LHCGR: variants seen among roughly 807,000 people sequenced by gnomAD.
LHCGR encodes lutropin-choriogonadotropic hormone receptor.
In LHCGR, 55 loss-of-function variants were observed where a neutral mutation model predicts 60.7. The ratio of observed to expected loss-of-function variants is 0.91; its 90% CI spans 0.73 to 1.13. LHCGR has a LOEUF of 1.13. LHCGR is among the 50% of genes most tolerant of loss of function. The probability of loss-of-function intolerance (pLI) is 0.00; values close to 1 mark genes in which losing one functional copy is unlikely to be tolerated. For synonymous variants in LHCGR, 337 were observed against 316.5 expected (o/e 1.06, Z -0.69); for missense variants, 862 against 836.0 (o/e 1.03, Z -0.38).
At chr2:48,724,685 G>T (rs1216339679) in intron 4 of LHCGR, among the ~76,000 whole-genome samples, 4 of 152,152 alleles carry the variant, frequency 2.6e-5, no homozygotes, top group African/African-American at 9.7e-5. Context: ...ATTTGGTTCT[G>T]GGAGTTTCTT....
At chr2:48,749,469 T>C (rs1383542345) in intron 1 of LHCGR, among the ~76,000 whole-genome samples, 1 of 152,228 alleles carries the variant, frequency 6.6e-6, no homozygotes. Flanking sequence ...GCTGTGGAAG[T>C]GAGCAGCAGG....
intron 1 of LHCGR, among the ~76,000 whole-genome samples, chr2:48,736,867 G>T (rs190707605): frequency 6.6e-6 from 1 of 152,286 alleles, no homozygotes; most frequent in East Asian, 1.9e-4. Context: ...CAAACTCCCT[G>T]GGTGAATGGA....
chr2:48,704,582 A>T (rs1667571912), intron 8 of LHCGR, among the ~76,000 whole-genome samples: 2 of 152,202 alleles, frequency 1.3e-5, no homozygotes, highest in South Asian at 4.1e-4. Flanking sequence ...TTATTGGTCT[A>T]TTCAGAGATT....
chr2:48,699,290 C>T lies in LHCGR; in HGVS notation c.681-490G>A, dbSNP rs149226639. 1.7e-3 allele frequency among the ~76,000 whole-genome samples: 251 copies of T among 151,964 alleles called. 1 individual carries two copies. The highest frequency in any genetic ancestry group is 5.6e-3 in the African/African-American group (232 of 41,410). ...GCGAGTCTGTATTTTTTCTCATGTG[C>T]GCCTCATTATTCTTTTCAAGGTTAA... On this transcript the variant is annotated intron_variant, in intron 8 of 10. Transcript: ENST00000294954.
chr2:48,755,721 G>A lies in LHCGR; in HGVS notation c.-50C>T, dbSNP rs1299712575. On this transcript the variant is annotated 5_prime_UTR_variant, in exon 1 of 11. Coordinates refer to ENST00000294954, the MANE Select transcript of LHCGR (RefSeq NM_000233.4). ...CTTGCCAGTGTCTTGGACGGCCTCT[G>A]AGTGCGGCCCGCACCCCTCTCCCCG... 6.5e-7 allele frequency: 1 copy of A among 1,532,600 alleles called. No homozygotes were observed. Among genetic ancestry groups the A allele is most frequent in the Non-Finnish European group, 8.7e-7 (1 of 1,146,042 alleles). The allele number at this position is 1,532,600 out of a possible 1,614,324, so 94.9% of individuals were successfully genotyped here.
Position 48,715,018 on chromosome 2 carries a change from C to T in LHCGR, c.537-964G>A, listed in dbSNP as rs574719941. 2.0e-5 allele frequency among the ~76,000 whole-genome samples: 3 copies of T among 152,260 alleles called. No individual in the cohort carries two copies. The East Asian group carries it at 5.8e-4, about 29-fold the overall frequency. ...GCTGATTCTTTTTACTTTTCCTCCA[C>T]TGATATCCTCATGGGCTACCCATCC... is the stretch of plus-strand genomic sequence containing the variant. On this transcript the variant is annotated intron_variant, in intron 6 of 10. Coordinates refer to ENST00000294954, the MANE Select transcript of LHCGR (RefSeq NM_000233.4).
At chr2:48,715,859 C>G (rs1347870899) in intron 6 of LHCGR, among the ~76,000 whole-genome samples, 2 of 152,136 alleles carry the variant, frequency 1.3e-5, no homozygotes, top group Non-Finnish European at 2.9e-5. Context: ...AGAGTCAGTT[C>G]AAAGAGGGCA....
At chr2:48,726,807 T>G (rs917416183) in intron 3 of LHCGR, among the ~76,000 whole-genome samples, 3 of 152,234 alleles carry the variant, frequency 2.0e-5, no homozygotes, top group Admixed American at 2.0e-4. Flanking sequence ...AATAAATATA[T>G]GTGTCTGGTT....
chr2:48,695,918 G>A (rs1160749473), intron 9 of LHCGR, among the ~76,000 whole-genome samples: 2 of 152,112 alleles, frequency 1.3e-5, no homozygotes, highest in Admixed American at 6.6e-5. Context: ...GGCATGGGTT[G>A]AAAACTATCT....
chr2:48,702,107 C>T (rs546527119), intron 8 of LHCGR, among the ~76,000 whole-genome samples: 4 of 151,998 alleles, frequency 2.6e-5, no homozygotes, highest in Non-Finnish European at 4.4e-5. Flanking sequence ...AACTGGTCGC[C>T]GTGTGTGAGA....
chr2:48,695,445 A>G lies in LHCGR; in HGVS notation c.867-1141T>C, dbSNP rs536116428. On this transcript the variant is annotated intron_variant, in intron 9 of 10. Coordinates refer to ENST00000294954, the MANE Select transcript of LHCGR (RefSeq NM_000233.4). ...GTCTGAGAAAAGGGAATTCTCATACACTGTTGGTGGGAGTGTAAATTAGTT... is the reference window on the plus strand; with the variant it reads ...GTCTGAGAAAAGGGAATTCTCATACGCTGTTGGTGGGAGTGTAAATTAGTT... Among the ~76,000 whole-genome samples the G allele has an allele frequency of 5.9e-5, 9 of 152,288 alleles. No individual in the cohort carries two copies. The East Asian group carries it at 1.7e-3, about 29-fold the overall frequency.
intron 1 of LHCGR, among the ~76,000 whole-genome samples, chr2:48,735,651 G>T (rs1030281367): frequency 2.0e-5 from 3 of 152,206 alleles, no homozygotes; most frequent in Admixed American, 2.0e-4. Flanking sequence ...GTGACCCTGT[G>T]TTAGGACTAC....
intron 1 of LHCGR, among the ~76,000 whole-genome samples, chr2:48,744,544 A>T (rs1320502232): frequency 6.6e-5 from 6 of 90,988 alleles, no homozygotes; most frequent in Non-Finnish European, 1.1e-4. Flanking sequence ...AACACCGCAT[A>T]TCTACAACTA....
chr2:48,725,984 G>A (rs1195375881), intron 3 of LHCGR, among the ~76,000 whole-genome samples: 1 of 152,096 alleles, frequency 6.6e-6, no homozygotes, highest in African/African-American at 2.4e-5. Context: ...GTGGGTATAA[G>A]GATCAGAGCA....
Position 48,729,292 on chromosome 2 carries a change from T to A in LHCGR, c.234-65A>T, listed in dbSNP as rs11892719. ...AAAGAAATGACCGTGTCTGCATGAT[T>A]ATGAGCTATGTGTGTGACCCAACAA... On this transcript the variant is annotated intron_variant, in intron 2 of 10. Transcript: ENST00000294954. The A allele has an allele frequency of 0.52, 650,290 of 1,244,008 alleles. 174,970 individuals carry two copies. Among genetic ancestry groups the A allele is most frequent in the African/African-American group, 0.76 (51,439 of 67,912 alleles). The allele number at this position is 1,244,008 out of a possible 1,614,324, so 77.1% of individuals were successfully genotyped here.
intron 6 of LHCGR, chr2:48,721,879 T>C (rs1319771557): frequency 2.3e-6 from 1 of 435,164 alleles, no homozygotes; most frequent in African/African-American, 2.1e-5. Context: ...GGCCGGGGGG[T>C]GGTGACTCAT....
At chr2:48,755,221 G>A (rs1030424249) in intron 1 of LHCGR, among the ~76,000 whole-genome samples, 1 of 151,724 alleles carries the variant, frequency 6.6e-6, no homozygotes, top group African/African-American at 2.4e-5. Context: ...TTCAAGCAGC[G>A]GCAGAGAGCA....
At chr2:48,729,259 G>T (rs778288030) in intron 2 of LHCGR, 32 bp from the exon 3 acceptor site, 3 of 1,506,060 alleles carry the variant, frequency 2.0e-6, no homozygotes, top group Admixed American at 1.7e-5. Context: ...AAAAGAGAAA[G>T]AAACATGAAA....
At chr2:48,695,564 A>G (rs2349101) in intron 9 of LHCGR, among the ~76,000 whole-genome samples, 79,561 of 151,988 alleles carry the variant, frequency 0.52, 22,636 homozygotes, top group East Asian at 0.93. Flanking sequence ...TATATACCCA[A>G]TGAAATAGAT....
Sources: gnomAD v4.1 joint callset for allele counts (sites outside exome capture counted in the v4.1 genomes callset) on GRCh38, gnomAD v4.1.1 for gene constraint, MANE v1.5 for transcripts, NCBI Gene and HGNC (gene_info 2026-07-23, HGNC 2026-07-21) for gene names.